Variants in SRC observed in about 807,000 individuals in gnomAD.
SRC encodes proto-oncogene tyrosine-protein kinase Src.
A neutral mutation model predicts 62.9 loss-of-function variants in SRC; 13 were observed. The observed-to-expected ratio is 0.21, with a 90% CI of 0.13 to 0.33. The LOEUF is 0.33. SRC is among the 10% of genes least tolerant of loss of function. The pLI is 1.00. For missense variants in SRC, 457 were observed against 737.3 expected (o/e 0.62, Z 4.40); for synonymous variants, 302 against 317.5 (o/e 0.95, Z 0.52).
intron 1 of SRC, among the ~76,000 whole-genome samples, chr20:37,361,813 G>A (rs1381668682): frequency 1.8e-5 from 1 of 54,096 alleles, no homozygotes. Context: ...AGATGCCGGG[G>A]TCTCTGTGTG....
At chr20:37,364,242 TC>T (rs1169153195) in intron 1 of SRC, among the ~76,000 whole-genome samples, 5 of 151,862 alleles carry the variant, frequency 3.3e-5, no homozygotes, top group Non-Finnish European at 7.4e-5. Flanking sequence ...TGGGTTTGCC[TC>T]CTGGTGCTGT....
At chr20:37,368,931 G>A (rs374439426) in intron 2 of SRC, among the ~76,000 whole-genome samples, 64 of 152,210 alleles carry the variant, frequency 4.2e-4, no homozygotes, top group African/African-American at 1.4e-3. Context: ...TGATTTTTAT[G>A]CAGGATTTGA....
chr20:37,374,276 C>T (rs536202422), intron 2 of SRC, among the ~76,000 whole-genome samples: 23 of 152,078 alleles, frequency 1.5e-4, no homozygotes, highest in African/African-American at 2.4e-4. Flanking sequence ...GACGGGGTTT[C>T]ACCATATTGG....
chr20:37,369,219 G>C (rs1357553556), intron 2 of SRC, among the ~76,000 whole-genome samples: 1 of 152,216 alleles, frequency 6.6e-6, no homozygotes, highest in African/African-American at 2.4e-5. Context: ...TTTTGGCAAA[G>C]AAACTAGCTG....
At chr20:37,394,138 G>A (rs1191276141) in intron 6 of SRC, 36 bp from the exon 7 acceptor site, 5 of 1,597,762 alleles carry the variant, frequency 3.1e-6, no homozygotes, top group Non-Finnish European at 4.3e-6. Context: ...CAGAAGCCTG[G>A]ACAGTCAGCA....
chr20:37,394,121 G>A (rs1374050764), intron 6 of SRC, 53 bp from the exon 7 acceptor site: 49 of 1,581,702 alleles, frequency 3.1e-5, no homozygotes, highest in Non-Finnish European at 4.2e-5. Context: ...GAAGCACTGT[G>A]AGTGGGCAGA....
chr20:37,372,288 G>A (rs1375551895), intron 2 of SRC, among the ~76,000 whole-genome samples: 8 of 152,030 alleles, frequency 5.3e-5, no homozygotes, highest in African/African-American at 1.4e-4. Context: ...ACATCTAGAC[G>A]GTTTCCTTTT....
At chr20:37,373,530 C>T (rs73297394) in intron 2 of SRC, among the ~76,000 whole-genome samples, 33,844 of 152,166 alleles carry the variant, frequency 0.22, 5,479 homozygotes, top group African/African-American at 0.46. Flanking sequence ...AGGCTGGTCT[C>T]AAACTCCTGG....
intron 2 of SRC, among the ~76,000 whole-genome samples, chr20:37,366,965 C>T (rs2070071870): frequency 6.6e-6 from 1 of 152,156 alleles, no homozygotes. Flanking sequence ...TGCAAAGCAG[C>T]TGCACCATTT....
intron 2 of SRC, among the ~76,000 whole-genome samples, chr20:37,373,686 T>C (rs1472877777): frequency 6.6e-6 from 1 of 152,266 alleles, no homozygotes; most frequent in African/African-American, 2.4e-5. Flanking sequence ...TTGGCATATA[T>C]AGTGAGATTG....
intron 2 of SRC, among the ~76,000 whole-genome samples, chr20:37,372,483 T>C (rs1329907581): frequency 6.6e-6 from 1 of 152,236 alleles, no homozygotes; most frequent in African/African-American, 2.4e-5. Context: ...CATATTTTAA[T>C]TTTCCAAATT....
At chr20:37,394,116 A>G in intron 6 of SRC, 58 bp from the exon 7 acceptor site, 2 of 1,575,220 alleles carry the variant, frequency 1.3e-6, no homozygotes, top group Non-Finnish European at 1.7e-6. Context: ...AGGGAGAAGC[A>G]CTGTGAGTGG....
chr20:37,402,003 T>C lies in SRC; in HGVS notation c.1116+325T>C. On this transcript the variant is annotated intron_variant, in intron 11 of 13. Transcript: ENST00000373578. This position sits in a 1 kb window ranked among gnomAD's most constrained non-coding sequence, Gnocchi z 6.2. ...TGCTGTAGGCAGTGGTCAACAAGCC[T>C]TTTTTTTTTTCATTTAATCCTCATC... 4.9e-6 allele frequency: 1 copy of C among 205,160 alleles called. No homozygotes were observed. The highest frequency in any genetic ancestry group is 9.5e-6 in the Non-Finnish European group (1 of 104,964). 12.7% of individuals were successfully genotyped at this position (205,160 alleles called of 1,614,324 possible).
chr20:37,402,347 G>A lies in SRC; in HGVS notation c.1117-88G>A. 5 of 1,514,592 alleles carry A rather than the reference G, an allele frequency of 3.3e-6. No individual in the cohort carries two copies. The highest frequency in any genetic ancestry group is 1.4e-5 in the African/African-American group (1 of 71,846). The allele number at this position is 1,514,592 out of a possible 1,614,324, so 93.8% of individuals were successfully genotyped here. ...GAAGTGTGGGGAGGGTGGGGAAGGG[G>A]TGGTTGGCTCTCCAGCCCCAGAGTG... On this transcript the variant is annotated intron_variant, in intron 11 of 13. Transcript: ENST00000373578. The surrounding 1 kb of genome is among the most constrained non-coding windows in gnomAD (Gnocchi z 6.2).
Position 37,393,921 on chromosome 20 carries a change from C to T in SRC, c.377C>T (p.Ser126Leu), listed in dbSNP as rs760138531. Residue 126 changes from serine to leucine, a missense_variant, in exon 6 of 14, where the codon TCG becomes TTG. Physicochemically the swap from Ser to Leu is moderately radical, Grantham distance 145. Coordinates refer to ENST00000373578, the MANE Select transcript of SRC (RefSeq NM_198291.3). ...NTEGDWWLAH[S>L]LSTGQTGYIP... is the part of the protein sequence containing the mutation. ...GAGGGAGACTGGTGGCTGGCCCACT[C>T]GCTCAGCACAGGACAGACAGGCTAC... The T allele has an allele frequency of 1.2e-6, 2 of 1,614,014 alleles. No homozygotes were observed. The highest frequency in any genetic ancestry group is 1.7e-6 in the Non-Finnish European group (2 of 1,179,930).
intron 2 of SRC, among the ~76,000 whole-genome samples, chr20:37,381,855 G>C (rs891307857): frequency 6.6e-6 from 1 of 152,156 alleles, no homozygotes; most frequent in Non-Finnish European, 1.5e-5. Context: ...TCCCTCAGGA[G>C]ACCATGGTAA....
chr20:37,381,125 ACAAACACCAGGAT>A (rs1403896296), intron 2 of SRC, among the ~76,000 whole-genome samples: 4 of 152,230 alleles, frequency 2.6e-5, no homozygotes, highest in Middle Eastern at 3.4e-3. Flanking sequence ...CTGCCTCTCC[ACAAACACCAGGAT>A]CAACCACCAA....
chr20:37,387,820 GT>G (rs1381609422), intron 5 of SRC, among the ~76,000 whole-genome samples: 1 of 152,246 alleles, frequency 6.6e-6, no homozygotes, highest in African/African-American at 2.4e-5. Context: ...TGTGCTCTCT[GT>G]GTGAGCTGGG....
At chr20:37,394,332 C>G (rs899741634) in intron 7 of SRC, 55 bp downstream of exon 7, 58 of 1,518,454 alleles carry the variant, frequency 3.8e-5, no homozygotes, top group Non-Finnish European at 5.1e-5. Context: ...GTGGTTTGAG[C>G]TGGGTGTTGT....
Sources: gnomAD v4.1 joint callset for allele counts (sites outside exome capture counted in the v4.1 genomes callset) on GRCh38, gnomAD v4.1.1 for gene constraint, Gnocchi (gnomAD v3.1) non-coding constraint, MANE v1.5 for transcripts, NCBI Gene and HGNC (gene_info 2026-07-23, HGNC 2026-07-21) for gene names.